Variants in MED26 observed in about 807,000 individuals in gnomAD.
The protein encoded by MED26 is mediator complex subunit 26.
A neutral mutation model predicts 43.7 loss-of-function variants in MED26; 7 were observed. The observed-to-expected ratio is 0.16, with a 90% CI of 0.09 to 0.30. MED26 has a LOEUF of 0.30. MED26 is among the 10% of genes least tolerant of loss of function. The pLI is 1.00. For synonymous variants in MED26, 375 were observed against 371.1 expected, an observed-to-expected ratio of 1.01 and a Z score of -0.12; for missense variants, 784 against 840.6, an observed-to-expected ratio of 0.93 and a Z score of 0.83.
At chr19:16,619,774 C>A (rs2086243149) in intron 1 of MED26, among the ~76,000 whole-genome samples, 1 of 152,184 alleles carries the variant, frequency 6.6e-6, no homozygotes, top group African/African-American at 2.4e-5. Flanking sequence ...TAAAACCATG[C>A]TGTGCACCCA....
rs146817930 is a variant in MED26 at position 16,620,370 on chromosome 19, G to A, written c.72+7502C>T. Among the ~76,000 whole-genome samples the A allele has an allele frequency of 5.1e-4, 77 of 152,036 alleles. 1 individual carries two copies. Among genetic ancestry groups the A allele is most frequent in the African/African-American group, 1.8e-3 (74 of 41,458 alleles). On this transcript the variant is annotated intron_variant, in intron 1 of 2. Coordinates refer to ENST00000263390, the MANE Select transcript of MED26 (RefSeq NM_004831.5). ...GTTTCCTCACTAGTACCTGCCTCCT[G>A]TTTAATCTACACCTGCTATGAAGAT...
chr19:16,592,379 C>T (rs754818867), intron 1 of MED26, among the ~76,000 whole-genome samples: 14 of 152,192 alleles, frequency 9.2e-5, no homozygotes, highest in Non-Finnish European at 1.8e-4. Flanking sequence ...AAGCCTCTCC[C>T]GATGGTGGTG....
At chr19:16,579,302 C>T (rs1343745825) in intron 1 of MED26, among the ~76,000 whole-genome samples, 1 of 152,138 alleles carries the variant, frequency 6.6e-6, no homozygotes, top group African/African-American at 2.4e-5. Context: ...AACAGGCACA[C>T]GGCAATGAAA....
At chr19:16,621,833 CA>C in intron 1 of MED26, among the ~76,000 whole-genome samples, 1 of 152,234 alleles carries the variant, frequency 6.6e-6, no homozygotes, top group East Asian at 1.9e-4. Context: ...GGCTTGCCTC[CA>C]AAAGCCACAC....
chr19:16,601,041 G>A (rs930962416), intron 1 of MED26, among the ~76,000 whole-genome samples: 2 of 152,178 alleles, frequency 1.3e-5, no homozygotes, highest in Admixed American at 6.5e-5. Context: ...AGTGAGCTGA[G>A]ACTGTGCTAC....
intron 1 of MED26, among the ~76,000 whole-genome samples, chr19:16,623,528 T>A (rs899244644): frequency 1.3e-5 from 2 of 152,206 alleles, no homozygotes; most frequent in African/African-American, 4.8e-5. Context: ...TCCACATCGG[T>A]TGCTAGTTGC....
chr19:16,600,862 G>A (rs1247429608), intron 1 of MED26, among the ~76,000 whole-genome samples: 1 of 152,192 alleles, frequency 6.6e-6, no homozygotes, highest in Non-Finnish European at 1.5e-5. Context: ...TGGGAGGCCA[G>A]GCGGGTGGAT....
At position 16,577,928 on chromosome 19, in the gene MED26, C is replaced by A. The variant is rs867098197; in HGVS notation, c.148-246G>T. 3.6e-5 allele frequency: 17 copies of A among 476,422 alleles called. No homozygotes were observed. The Middle Eastern group carries it at 1.6e-3, about 44-fold the overall frequency. The allele number at this position is 476,422 out of a possible 1,614,324, so 29.5% of individuals were successfully genotyped here. On this transcript the variant is annotated intron_variant, in intron 2 of 2. Coordinates refer to ENST00000263390, the MANE Select transcript of MED26 (RefSeq NM_004831.5). This position sits in a 1 kb window ranked among gnomAD's most constrained non-coding sequence, Gnocchi z 8.1. ...TCTCAGCAGTGCTGTCACCCAGGCT[C>A]CTGGTGTCAGGGGGCTGTGGACCAT...
At chr19:16,625,826 G>A (rs750218099) in intron 1 of MED26, among the ~76,000 whole-genome samples, 1 of 152,074 alleles carries the variant, frequency 6.6e-6, no homozygotes, top group African/African-American at 2.4e-5. Context: ...CCATAACAGC[G>A]CTCAGAGGGT....
intron 1 of MED26, among the ~76,000 whole-genome samples, chr19:16,609,744 T>C (rs1335921547): frequency 6.6e-6 from 1 of 151,950 alleles, no homozygotes; most frequent in Admixed American, 6.6e-5. Flanking sequence ...ATGAAAAGAT[T>C]AAAGAATCTG....
At position 16,615,960 on chromosome 19, in the gene MED26, T is replaced by C. The variant is rs867786130; in HGVS notation, c.72+11912A>G. On this transcript the variant is annotated intron_variant, in intron 1 of 2. Coordinates refer to ENST00000263390, the MANE Select transcript of MED26 (RefSeq NM_004831.5). ...GTGCTACAACTTTCACAGGCTCTGATTGGGTCACAGGTCTGTCTCTGAACC... is the reference window on the plus strand; with the variant it reads ...GTGCTACAACTTTCACAGGCTCTGACTGGGTCACAGGTCTGTCTCTGAACC... Among the ~76,000 whole-genome samples, 50 of 152,144 alleles carry C rather than the reference T, an allele frequency of 3.3e-4. 1 individual carries two copies. The highest frequency in any genetic ancestry group is 8.8e-5 in the Non-Finnish European group (6 of 68,022).
intron 1 of MED26, among the ~76,000 whole-genome samples, chr19:16,613,593 G>A (rs546035783): frequency 2.0e-5 from 3 of 152,322 alleles, no homozygotes; most frequent in Admixed American, 2.0e-4. Context: ...GGGCAGCAGT[G>A]TTATCTCCGG....
intron 1 of MED26, among the ~76,000 whole-genome samples, chr19:16,596,934 T>C (rs978549976): frequency 5.3e-5 from 8 of 152,198 alleles, no homozygotes; most frequent in Admixed American, 1.3e-4. Context: ...GTGGGCCAAC[T>C]TGCAGCAGTT....
chr19:16,597,456 A>G (rs760714226), intron 1 of MED26: 1 of 398,626 alleles, frequency 2.5e-6, no homozygotes, highest in Middle Eastern at 6.3e-4. Context: ...CGCACTTCCT[A>G]AACAGGTAAC....
chr19:16,610,704 T>G (rs1599345002), intron 1 of MED26: 1 of 152,206 alleles, frequency 6.6e-6, no homozygotes, highest in Admixed American at 6.5e-5. Context: ...ATAATTTCTA[T>G]GGTAGAAACA....
At chr19:16,590,537 G>A (rs922201967) in intron 1 of MED26, among the ~76,000 whole-genome samples, 1 of 152,206 alleles carries the variant, frequency 6.6e-6, no homozygotes, top group Non-Finnish European at 1.5e-5. Context: ...GTACTGGGAT[G>A]ATTATAAGGC....
Position 16,576,452 on chromosome 19 carries a change from C to T in MED26, c.1378G>A (p.Asp460Asn), listed in dbSNP as rs1167194670. Reference protein sequence around the residue: ...HMEQQSRTELDKQEAKASLQS... With the variant: ...HMEQQSRTELNKQEAKASLQS... The stretch of plus-strand genomic sequence containing the variant: ...AGGCTGGCCTTGGCCTCCTGCTTGT[C>T]CAGCTCTGTCCTGGACTGCTGCTCC... The change falls in exon 3 of 3, where the codon GAC (aspartate) becomes AAC (asparagine). Residue 460 changes from aspartate to asparagine, a missense_variant. Physicochemically the swap from Asp to Asn is conservative, Grantham distance 23. Coordinates refer to ENST00000263390, the MANE Select transcript of MED26 (RefSeq NM_004831.5). The surrounding 1 kb of genome is among the most constrained non-coding windows in gnomAD (Gnocchi z 6.8). 2.5e-6 allele frequency: 4 copies of T among 1,614,136 alleles called. No individual in the cohort carries two copies. The highest frequency in any genetic ancestry group is 3.4e-6 in the Non-Finnish European group (4 of 1,180,022).
At chr19:16,622,880 A>C (rs912304547) in intron 1 of MED26, among the ~76,000 whole-genome samples, 3 of 152,236 alleles carry the variant, frequency 2.0e-5, no homozygotes, top group African/African-American at 7.2e-5. Flanking sequence ...GCTCCATCTG[A>C]GAAGATGCTC....
intron 1 of MED26, among the ~76,000 whole-genome samples, chr19:16,624,094 T>C (rs1156487575): frequency 6.6e-6 from 1 of 151,382 alleles, no homozygotes; most frequent in African/African-American, 2.4e-5. Flanking sequence ...TCACACAATG[T>C]ACCTTGCAAA....
Sources: allele counts gnomAD v4.1 joint callset (sites outside exome capture counted in the v4.1 genomes callset), GRCh38; gene constraint gnomAD v4.1.1; non-coding constraint Gnocchi (gnomAD v3.1); transcripts MANE v1.5; gene names NCBI Gene and HGNC (gene_info 2026-07-23, HGNC 2026-07-21).